Variants in LMNA observed in about 807,000 individuals in gnomAD.
The protein encoded by LMNA is lamin A/C, also known as lamin.
LMNA carries 20 observed loss-of-function variants against 70.4 expected under a neutral mutation model. The ratio of observed to expected loss-of-function variants is 0.28; its 90% CI spans 0.20 to 0.41. LMNA has a LOEUF of 0.41. Among genes scored for constraint, LMNA ranks in the 10% least tolerant of loss-of-function variants. The pLI is 1.00. For missense variants in LMNA, 652 were observed against 917.2 expected (o/e 0.71, Z 3.73); for synonymous variants, 339 against 372.8 (o/e 0.91, Z 1.04).
chr1:156,135,457 G>T lies in LMNA; in HGVS notation c.936+145G>T. 1 of 1,078,818 alleles carries T rather than the reference G, an allele frequency of 9.3e-7. No homozygotes were observed. Among genetic ancestry groups the T allele is most frequent in the East Asian group, 2.6e-5 (1 of 38,488 alleles). 66.8% of individuals were successfully genotyped at this position (1,078,818 alleles called of 1,614,324 possible). A position where few individuals can be genotyped will look rare whatever the true frequency, so the allele number is the denominator to read the frequency against. On this transcript the variant is annotated intron_variant, in intron 5 of 11. Transcript: ENST00000368300. The surrounding 1 kb of genome is among the most constrained non-coding windows in gnomAD (Gnocchi z 4.8). Reference sequence around the variant, plus strand: ...AAGTGTCCCCACAACCACAGAGAAGGGTCGCAGGATGTGGAGTCAGATGGC... The same window carrying T: ...AAGTGTCCCCACAACCACAGAGAAGTGTCGCAGGATGTGGAGTCAGATGGC...
rs1651363662 is a variant in LMNA at position 156,134,552 on chromosome 1, A to G, written c.639+24A>G. ...AGGTGGGGACTGTGCTTTGCAAGCCAGAGGGCTGGGGCTGGGTGATGACAG... is the reference window on the plus strand; with the variant it reads ...AGGTGGGGACTGTGCTTTGCAAGCCGGAGGGCTGGGGCTGGGTGATGACAG... On this transcript the variant is annotated intron_variant, in intron 3 of 11. Coordinates refer to ENST00000368300, the MANE Select transcript of LMNA (RefSeq NM_170707.4). This position sits in a 1 kb window ranked among gnomAD's most constrained non-coding sequence, Gnocchi z 5.3. 1.2e-6 allele frequency: 2 copies of G among 1,613,370 alleles called. No homozygotes were observed. Among genetic ancestry groups the G allele is most frequent in the East Asian group, 2.2e-5 (1 of 44,882 alleles).
chr1:156,126,445 C>A (rs1650583749), intron 1 of LMNA: 1 of 621,568 alleles, frequency 1.6e-6, no homozygotes, highest in Non-Finnish European at 2.9e-6. Flanking sequence ...CCGGCCCTGG[C>A]TTCCATATCT....
chr1:156,135,278 G>C lies in LMNA; in HGVS notation c.902G>C (p.Ser301Thr), dbSNP rs546272425. The C allele has an allele frequency of 6.2e-7, 1 of 1,613,440 alleles. No homozygotes were observed. Among genetic ancestry groups the C allele is most frequent in the Admixed American group, 1.7e-5 (1 of 60,008 alleles). The change falls in exon 5 of 12, where the codon AGC becomes ACC. Residue 301 changes from serine to threonine, a missense_variant. By Grantham distance (58) the Ser-to-Thr change is moderately conservative (BLOSUM62 1). This residue lies in a region of LMNA where 254 missense variants were observed against 421.9 expected (regional missense o/e 0.60). Transcript: ENST00000368300. This position sits in a 1 kb window ranked among gnomAD's most constrained non-coding sequence, Gnocchi z 4.8. ...CAGCAGTCGCGCATCCGCATCGACA[G>C]CCTCTCTGCCCAGCTCAGCCAGCTC... The part of the protein sequence containing the change: ...ELQQSRIRID[S>T]LSAQLSQLQK...
intron 3 of LMNA, among the ~76,000 whole-genome samples, chr1:156,099,984 G>A (rs1438069728): frequency 6.6e-6 from 1 of 151,910 alleles, no homozygotes; most frequent in Non-Finnish European, 1.5e-5. Context: ...TCCAAGCAAT[G>A]TTGATGCCCA....
At chr1:156,088,469 G>A (rs568943755) in intron 2 of LMNA, among the ~76,000 whole-genome samples, 1 of 152,208 alleles carries the variant, frequency 6.6e-6, no homozygotes, top group East Asian at 1.9e-4. Flanking sequence ...TGGCCTGCAT[G>A]ACCCAGAGAA....
intron 1 of LMNA, chr1:156,126,558 C>A: frequency 1.3e-6 from 1 of 773,790 alleles, no homozygotes; most frequent in Non-Finnish European, 2.3e-6. Flanking sequence ...CTTCCCCAAA[C>A]AGCCCCAAGG....
rs1205674172 is a variant in LMNA, at chr1:156,137,202, G to T, written c.1578G>T (p.Leu526=). ...AQNTWGCGNS[L]RTALINSTGE... is the part of the protein sequence containing the mutation. ...ACACCTGGGGCTGCGGGAACAGCCT[G>T]CGTACGGCTCTCATCAACTCCACTG... Residue 526 remains leucine (L), a synonymous_variant, in exon 9 of 12, where the codon CTG becomes CTT. Transcript: ENST00000368300. The surrounding 1 kb of genome is among the most constrained non-coding windows in gnomAD (Gnocchi z 4.6). The T allele has an allele frequency of 6.9e-6, 11 of 1,600,020 alleles. No individual in the cohort carries two copies. Among genetic ancestry groups the T allele is most frequent in the Non-Finnish European group, 9.4e-6 (11 of 1,174,328 alleles).
chr1:156,099,591 A>G (rs1649065244), intron 3 of LMNA, among the ~76,000 whole-genome samples: 1 of 152,122 alleles, frequency 6.6e-6, no homozygotes, highest in African/African-American at 2.4e-5. Flanking sequence ...CCATCTCTAA[A>G]AAATAATTTA....
At chr1:156,122,078 C>T (rs1650229064) in intron 1 of LMNA, among the ~76,000 whole-genome samples, 1 of 152,050 alleles carries the variant, frequency 6.6e-6, no homozygotes, top group African/African-American at 2.4e-5. Flanking sequence ...GCACTCCAGC[C>T]AGGGCGACAG....
chr1:156,128,854 C>T (rs1365732042), intron 1 of LMNA, among the ~76,000 whole-genome samples: 1 of 152,234 alleles, frequency 6.6e-6, no homozygotes, highest in Non-Finnish European at 1.5e-5. Flanking sequence ...AGAGAGGCCT[C>T]TTCTGGGAAG....
intron 1 of LMNA, chr1:156,126,010 A>C (rs1572345866): frequency 3.5e-6 from 1 of 287,320 alleles, no homozygotes; most frequent in South Asian, 1.6e-4. Context: ...AAAAATTTTA[A>C]AATTAAACAA....
intron 2 of LMNA, among the ~76,000 whole-genome samples, chr1:156,084,887 C>G (rs1648422168): frequency 6.6e-6 from 1 of 152,122 alleles, no homozygotes; most frequent in African/African-American, 2.4e-5. Flanking sequence ...CCAAAGAAGC[C>G]TTGGGGATTT....
chr1:156,094,856 T>G (rs1052531333), intron 3 of LMNA, among the ~76,000 whole-genome samples: 1 of 151,798 alleles, frequency 6.6e-6, no homozygotes, highest in African/African-American at 2.4e-5. Context: ...GCCTCCTGGG[T>G]TCAAGTGATT....
rs532113960 is a variant in LMNA at position 156,108,658 on chromosome 1, C to T, written c.-206-6055C>T. Among the ~76,000 whole-genome samples, 13 of 151,850 alleles carry T rather than the reference C, an allele frequency of 8.6e-5. 1 individual carries two copies. In the South Asian group the frequency reaches 1.7e-3, roughly 19 times the overall value. ...GCGCATGGTTGTAGTCCCAGCTACT[C>T]GGGAGGCTGAGGCAGGAGAATCGCT... On this transcript the variant is annotated intron_variant, in intron 3 of 12. Transcript: ENST00000368301.
Position 156,115,089 on chromosome 1 carries a change from A to C in LMNA, c.171A>C (p.Ala57=). 6.3e-7 allele frequency: 1 copy of C among 1,597,594 alleles called. No individual in the cohort carries two copies. Among genetic ancestry groups the C allele is most frequent in the East Asian group, 2.3e-5 (1 of 44,152 alleles). Residue 57 remains alanine, a synonymous_variant, in exon 1 of 12, where the codon GCA becomes GCC. Coordinates refer to ENST00000368300, the MANE Select transcript of LMNA (RefSeq NM_170707.4). This position sits in a 1 kb window ranked among gnomAD's most constrained non-coding sequence, Gnocchi z 5.8. ...DRVRSLETEN[A]GLRLRITESE... ...TGCGCTCGCTGGAAACGGAGAACGC[A>C]GGGCTGCGCCTTCGCATCACCGAGT...
chr1:156,129,983 A>C, intron 1 of LMNA: 1 of 689,730 alleles, frequency 1.4e-6, no homozygotes, highest in Non-Finnish European at 2.7e-6. Flanking sequence ...TTCAGTGCAG[A>C]TCAGGGCACC....
Position 156,135,021 on chromosome 1 carries a change from C to T in LMNA, c.810+46C>T. Reference sequence around the variant, plus strand: ...CCCTCACTGCCTCTGCCCTTGGCAGCCCTACCCTTACCCACGCTGGGCTAT... The same window carrying T: ...CCCTCACTGCCTCTGCCCTTGGCAGTCCTACCCTTACCCACGCTGGGCTAT... On this transcript the variant is annotated intron_variant, in intron 4 of 11. Coordinates refer to ENST00000368300, the MANE Select transcript of LMNA (RefSeq NM_170707.4). This position sits in a 1 kb window ranked among gnomAD's most constrained non-coding sequence, Gnocchi z 4.8. 1 of 1,612,708 alleles carries T rather than the reference C, an allele frequency of 6.2e-7. No homozygotes were observed. Among genetic ancestry groups the T allele is most frequent in the Non-Finnish European group, 8.5e-7 (1 of 1,178,972 alleles).
chr1:156,131,198 G>A (rs1277662527), intron 2 of LMNA, among the ~76,000 whole-genome samples: 1 of 152,136 alleles, frequency 6.6e-6, no homozygotes, highest in East Asian at 1.9e-4. Context: ...GTGAGCCTGC[G>A]AGGCAGAGCT....
chr1:156,110,957 C>T (rs911763685), upstream of LMNA, among the ~76,000 whole-genome samples: 2 of 152,004 alleles, frequency 1.3e-5, no homozygotes, highest in African/African-American at 2.4e-5. Flanking sequence ...GCCTGGGCAA[C>T]AGAGCGAGAC....
Sources: gnomAD v4.1 joint callset for allele counts (sites outside exome capture counted in the v4.1 genomes callset) on GRCh38, gnomAD v4.1.1 for gene constraint, gnomAD v4.1.1 regional missense constraint, Gnocchi (gnomAD v3.1) non-coding constraint, MANE v1.5 for transcripts, NCBI Gene and HGNC (gene_info 2026-07-23, HGNC 2026-07-21) for gene names.